TMEM65: variants seen among roughly 807,000 people sequenced by gnomAD.
TMEM65 encodes transmembrane protein 65.
Under a neutral mutation model 25.4 loss-of-function variants are expected in TMEM65, and 22 were observed. The ratio of observed to expected loss-of-function variants is 0.86; its 90% CI spans 0.62 to 1.23. TMEM65 has a LOEUF of 1.23. TMEM65 is among the 50% of genes most tolerant of loss of function. The probability of loss-of-function intolerance (pLI) is 0.00; values close to 1 mark genes in which losing one functional copy is unlikely to be tolerated. For synonymous variants in TMEM65, 132 were observed against 126.2 expected (o/e 1.05, Z -0.31); for missense variants, 262 against 308.2 (o/e 0.85, Z 1.12).
intron 1 of TMEM65, among the ~76,000 whole-genome samples, chr8:124,368,391 T>G (rs1366824101): frequency 1.3e-5 from 2 of 151,182 alleles, no homozygotes; most frequent in Non-Finnish European, 2.9e-5. Context: ...TAAATAAGTG[T>G]GGAAGCCAGC....
intron 1 of TMEM65, among the ~76,000 whole-genome samples, chr8:124,334,778 A>G (rs1814484833): frequency 6.6e-6 from 1 of 150,498 alleles, no homozygotes; most frequent in South Asian, 2.1e-4. Context: ...AAAAAAAAAA[A>G]AAAAGAAAGA....
At chr8:124,322,277 T>G in intron 4 of TMEM65, 130 bp from the exon 5 acceptor site, 3 of 599,206 alleles carry the variant, frequency 5.0e-6, no homozygotes, top group Non-Finnish European at 8.5e-6. Flanking sequence ...CCAAAGTAAC[T>G]CATTGGACAG....
chr8:124,359,410 T>C (rs535099027), intron 1 of TMEM65, among the ~76,000 whole-genome samples: 101 of 152,288 alleles, frequency 6.6e-4, no homozygotes, highest in African/African-American at 2.2e-3. Context: ...ACGATGTCTA[T>C]TGATGTGCAG....
intron 1 of TMEM65, among the ~76,000 whole-genome samples, chr8:124,371,581 G>A (rs1180798016): frequency 2.6e-5 from 4 of 152,266 alleles, no homozygotes; most frequent in African/African-American, 9.6e-5. Context: ...TTAGGCCGAA[G>A]CTCCGGATTC....
At chr8:124,318,767 G>A (rs886995072) in intron 6 of TMEM65, among the ~76,000 whole-genome samples, 1 of 152,122 alleles carries the variant, frequency 6.6e-6, no homozygotes, top group Non-Finnish European at 1.5e-5. Context: ...TCCTGCTGAT[G>A]CTGGCACCAC....
chr8:124,327,302 G>C, intron 3 of TMEM65, 52 bp downstream of exon 3: 1 of 1,212,112 alleles, frequency 8.3e-7, no homozygotes, highest in South Asian at 1.4e-5. Flanking sequence ...GGAAAATGTA[G>C]ACCACATTAA....
At chr8:124,325,405 C>T (rs28657471) in intron 3 of TMEM65, among the ~76,000 whole-genome samples, 13,701 of 151,938 alleles carry the variant, frequency 0.09, 672 homozygotes, top group East Asian at 0.15. Flanking sequence ...AACGAAGCCT[C>T]ACTGGAAAAT....
chr8:124,318,944 C>T (rs1814272888), intron 6 of TMEM65, among the ~76,000 whole-genome samples: 1 of 152,142 alleles, frequency 6.6e-6, no homozygotes, highest in Admixed American at 6.6e-5. Flanking sequence ...TTTTTATTCT[C>T]ATAACACATA....
chr8:124,314,191 T>C lies in TMEM65; in HGVS notation c.622-130A>G, dbSNP rs1409746637. On this transcript the variant is annotated intron_variant, in intron 6 of 6. Transcript: ENST00000297632. ...CCTTCATATATATTCCTCTTCAATA[T>C]TTATCCCTGTGTATACCTAATTATA... 1.1e-5 allele frequency: 8 copies of C among 701,456 alleles called. No individual in the cohort carries two copies. The East Asian group carries it at 2.2e-4, about 19-fold the overall frequency. The allele number at this position is 701,456 out of a possible 1,614,324, so 43.5% of individuals were successfully genotyped here.
At chr8:124,320,666 C>G (rs537755030) in intron 5 of TMEM65, among the ~76,000 whole-genome samples, 51 of 152,170 alleles carry the variant, frequency 3.4e-4, no homozygotes, top group Admixed American at 3.3e-3. Context: ...ACAAAAACAC[C>G]TTAGAACTGT....
At chr8:124,327,484 C>G in intron 2 of TMEM65, 63 bp from the exon 3 acceptor site, 1 of 1,082,210 alleles carries the variant, frequency 9.2e-7, no homozygotes, top group Non-Finnish European at 1.3e-6. Context: ...ATGACAAAAA[C>G]AGATGATATG....
In TMEM65 at chr8:124,307,068, A is replaced by C. The variant is rs574333447; in HGVS notation, c.*6892T>G. The C allele has an allele frequency of 1.4e-4, 22 of 152,346 alleles. No individual in the cohort carries two copies. The highest frequency in any genetic ancestry group is 4.8e-4 in the African/African-American group (20 of 41,582). 9.4% of individuals were successfully genotyped at this position (152,346 alleles called of 1,614,324 possible). A position where few individuals can be genotyped will look rare whatever the true frequency, so the allele number is the denominator to read the frequency against. On this transcript the variant is annotated 3_prime_UTR_variant, in exon 7 of 7. Coordinates refer to ENST00000297632, the MANE Select transcript of TMEM65 (RefSeq NM_194291.3). ...ACTAAATTACAACTGGATAAGATTA[A>C]CTATAGTACATACTGCACTACTACC...
At chr8:124,357,198 ACTGC>A (rs1344742382) in intron 1 of TMEM65, among the ~76,000 whole-genome samples, 1 of 151,714 alleles carries the variant, frequency 6.6e-6, no homozygotes, top group Admixed American at 6.6e-5. Context: ...CTCTATTTAT[ACTGC>A]CTAGCCCTAG....
At chr8:124,362,793 G>A (rs1380358722) in intron 1 of TMEM65, among the ~76,000 whole-genome samples, 1 of 151,810 alleles carries the variant, frequency 6.6e-6, no homozygotes, top group Non-Finnish European at 1.5e-5. Context: ...GTAAAATTTG[G>A]TTTTCTCTTT....
intron 1 of TMEM65, among the ~76,000 whole-genome samples, chr8:124,365,976 T>C (rs933967846): frequency 6.6e-6 from 1 of 152,172 alleles, no homozygotes; most frequent in Non-Finnish European, 1.5e-5. Flanking sequence ...ATCTCAGCAC[T>C]TTGGGAGGCC....
intron 6 of TMEM65, among the ~76,000 whole-genome samples, chr8:124,316,270 T>C (rs1814236313): frequency 6.6e-6 from 1 of 152,238 alleles, no homozygotes; most frequent in South Asian, 2.1e-4. Flanking sequence ...GGGCTAATTG[T>C]AGAACTTGAG....
At chr8:124,327,284 AATT>A in intron 3 of TMEM65, 67 bp downstream of exon 3, 2 of 1,069,940 alleles carry the variant, frequency 1.9e-6, no homozygotes, top group Non-Finnish European at 2.7e-6. Context: ...ACAATAGAAA[AATT>A]ATTAGGAAAA....
At chr8:124,316,228 C>T (rs1814235945) in intron 6 of TMEM65, among the ~76,000 whole-genome samples, 1 of 152,198 alleles carries the variant, frequency 6.6e-6, no homozygotes, top group African/African-American at 2.4e-5. Flanking sequence ...TTATGTCTTA[C>T]AATACTCTAG....
At chr8:124,367,862 T>C (rs1018578456) in intron 1 of TMEM65, among the ~76,000 whole-genome samples, 6 of 151,826 alleles carry the variant, frequency 4.0e-5, no homozygotes, top group Non-Finnish European at 5.9e-5. Flanking sequence ...AATCAAAAAA[T>C]GCAAGCTAAT....
Sources: gnomAD v4.1 joint callset for allele counts (sites outside exome capture counted in the v4.1 genomes callset) on GRCh38, gnomAD v4.1.1 for gene constraint, MANE v1.5 for transcripts, NCBI Gene and HGNC (gene_info 2026-07-23, HGNC 2026-07-21) for gene names.